Variants in CHD5 observed in about 807,000 individuals in gnomAD.
CHD5 encodes chromodomain helicase DNA binding protein 5, also known as ATP-dependent chromatin remodeler CHD5.
A neutral mutation model predicts 230.3 loss-of-function variants in CHD5; 69 were observed. That is an observed-to-expected ratio of 0.30 (90% confidence interval 0.25 to 0.37). The LOEUF (loss-of-function observed/expected upper bound fraction) is 0.37. CHD5 is among the 10% of genes least tolerant of loss of function. The pLI, the probability that CHD5 is intolerant of heterozygous loss-of-function variation, is 1.00. For synonymous variants in CHD5, 1,064 were observed against 1,065.9 expected (o/e 1.00, Z 0.03); for missense variants, 1,827 against 2,622.8 (o/e 0.70, Z 6.63).
intron 38 of CHD5, among the ~76,000 whole-genome samples, 162 bp from the exon 39 acceptor site, chr1:6,106,941 GGGAT>G (rs1666182799): frequency 4.6e-5 from 5 of 108,770 alleles, no homozygotes; most frequent in Admixed American, 8.5e-5. Flanking sequence ...GAGGGGTGGA[GGGAT>G]GGAGGAGAGG....
Position 6,134,806 on chromosome 1 carries a change from C to G in CHD5, c.2924G>C (p.Gly975Ala), listed in dbSNP as rs770520672. 6.2e-7 allele frequency: 1 copy of G among 1,614,134 alleles called. No homozygotes were observed. Reference sequence around the variant, plus strand: ...GAGCAGCGATACTTGGTTCCCGCCCCCCTTGGAGTTCAGTGCCTCAAAGTT... The same window carrying G: ...GAGCAGCGATACTTGGTTCCCGCCCGCCTTGGAGTTCAGTGCCTCAAAGTT... Reference protein sequence around the residue: ...TRNFEALNSKGGGNQVSLLNI... With the variant: ...TRNFEALNSKAGGNQVSLLNI... The change falls in exon 19 of 42, where the codon GGG (glycine) becomes GCG (alanine). Residue 975 changes from glycine to alanine, a missense_variant. By Grantham distance (60) the Gly-to-Ala change is moderately conservative. Coordinates refer to ENST00000262450, the MANE Select transcript of CHD5 (RefSeq NM_015557.3). The surrounding 1 kb of genome is among the most constrained non-coding windows in gnomAD (Gnocchi z 6.3).
At chr1:6,116,290 A>G (rs1666377241) in intron 33 of CHD5, among the ~76,000 whole-genome samples, 1 of 152,202 alleles carries the variant, frequency 6.6e-6, no homozygotes. Flanking sequence ...GGATGAATGA[A>G]CCAATCAATG....
At chr1:6,178,696 G>T (rs1667462684) in intron 1 of CHD5, among the ~76,000 whole-genome samples, 1 of 152,154 alleles carries the variant, frequency 6.6e-6, no homozygotes, top group Non-Finnish European at 1.5e-5. Context: ...GGCGAGGTGA[G>T]TGCCGGGCTC....
chr1:6,152,484 G>A lies in CHD5; in HGVS notation c.798C>T (p.Gly266=), dbSNP rs1667021971. The part of the protein sequence containing the change: ...IKGSKDGKKK[G]KGKKTAGLKF... Reference sequence around the variant, plus strand: ...TGAGCCCGGCCGTCTTTTTCCCTTTGCCCTTTTTCTTCCCATCTTTGGAGC... The same window carrying A: ...TGAGCCCGGCCGTCTTTTTCCCTTTACCCTTTTTCTTCCCATCTTTGGAGC... The change falls in exon 6 of 42, where the codon GGC becomes GGT. Residue 266 remains glycine, a synonymous_variant. Coordinates refer to ENST00000262450, the MANE Select transcript of CHD5 (RefSeq NM_015557.3). The A allele has an allele frequency of 4.3e-6, 7 of 1,614,032 alleles. No homozygotes were observed. In the East Asian group the frequency reaches 1.3e-4, roughly 31 times the overall value.
At chr1:6,158,823 C>T (rs913406485) in intron 3 of CHD5, among the ~76,000 whole-genome samples, 13 of 151,018 alleles carry the variant, frequency 8.6e-5, no homozygotes, top group African/African-American at 2.2e-4. Context: ...CCGGCTAAAA[C>T]GGTGAAACCC....
chr1:6,111,994 C>T, intron 35 of CHD5, 111 bp from the exon 36 acceptor site: 1 of 1,362,206 alleles, frequency 7.3e-7, no homozygotes, highest in Admixed American at 1.9e-5. Flanking sequence ...CCCCAGAGGT[C>T]CAGTGTTCCA....
At position 6,128,866 on chromosome 1, in the gene CHD5, C is replaced by T. The variant is rs377192793; in HGVS notation, c.3591G>A (p.Thr1197=). The change falls in exon 23 of 42, where the codon ACG becomes ACA. Residue 1197 remains threonine, a synonymous_variant. Coordinates refer to ENST00000262450, the MANE Select transcript of CHD5 (RefSeq NM_015557.3). The surrounding 1 kb of genome is among the most constrained non-coding windows in gnomAD (Gnocchi z 7.8). ...CCACGTCGTCCTTGAAGAGTTCCTC[C>T]GTGCCGAACTTGAGGATGTCGTCCA... ...QELDDILKFG[T]EELFKDDVEG... is the part of the protein sequence containing the mutation. The T allele has an allele frequency of 7.0e-5, 113 of 1,612,698 alleles. No individual in the cohort carries two copies. In the African/African-American group the frequency reaches 1.0e-3, roughly 14 times the overall value.
At chr1:6,170,891 T>C (rs936051793) in intron 1 of CHD5, among the ~76,000 whole-genome samples, 2 of 152,170 alleles carry the variant, frequency 1.3e-5, no homozygotes, top group African/African-American at 4.8e-5. Flanking sequence ...GCCGATGGGA[T>C]GCCAGTCCAC....
At chr1:6,151,227 G>C in intron 6 of CHD5, 72 bp from the exon 7 acceptor site, 1 of 1,501,016 alleles carries the variant, frequency 6.7e-7, no homozygotes, top group Non-Finnish European at 8.9e-7. Context: ...GGCAGTGTGG[G>C]GTGGGACAAA....
chr1:6,127,917 C>CT (rs1666587583), intron 25 of CHD5, 129 bp downstream of exon 25: 1 of 739,426 alleles, frequency 1.4e-6, no homozygotes, highest in Non-Finnish European at 2.1e-6. Flanking sequence ...GGCTGGAGGG[C>CT]GGGGTCACAG....
At chr1:6,172,659 C>A (rs1667357512) in intron 1 of CHD5, among the ~76,000 whole-genome samples, 1 of 152,208 alleles carries the variant, frequency 6.6e-6, no homozygotes, top group Non-Finnish European at 1.5e-5. Context: ...CACCCTCCCA[C>A]TGAAACAGCC....
Position 6,102,251 on chromosome 1 carries a change from TA to T in CHD5, c.*3222del, listed in dbSNP as rs111306983. The T allele has an allele frequency of 3.3e-4, 50 of 151,240 alleles. No homozygotes were observed. The highest frequency in any genetic ancestry group is 1.8e-3 in the South Asian group (10 of 5,518). 9.4% of individuals were successfully genotyped at this position (151,240 alleles called of 1,614,324 possible). On this transcript the variant is annotated 3_prime_UTR_variant, in exon 42 of 42. Transcript: ENST00000262450. ...ATCGCACCTAAAAAAATACTTTGTT[TA>T]AAAAAAAAATCTGAAAATTAAAGAA...
At chr1:6,179,093 G>A (rs1000882360) in intron 1 of CHD5, among the ~76,000 whole-genome samples, 2 of 152,228 alleles carry the variant, frequency 1.3e-5, no homozygotes, top group African/African-American at 4.8e-5. Flanking sequence ...CTAAAGAACT[G>A]TCCCGCAAGG....
chr1:6,109,141 G>C (rs1420880594), intron 38 of CHD5, among the ~76,000 whole-genome samples: 2 of 152,162 alleles, frequency 1.3e-5, no homozygotes, highest in Admixed American at 6.5e-5. Flanking sequence ...ACGGGCTGCA[G>C]ACGAGCCAGC....
At chr1:6,106,209 G>A in intron 41 of CHD5, 25 bp downstream of exon 41, 1 of 1,600,730 alleles carries the variant, frequency 6.2e-7, no homozygotes. Context: ...TGGCGGGGAG[G>A]AACACAGCAC....
chr1:6,146,794 C>A lies in CHD5; in HGVS notation c.1461G>T (p.Gly487=). The A allele has an allele frequency of 6.3e-7, 1 of 1,593,818 alleles. No individual in the cohort carries two copies. The highest frequency in any genetic ancestry group is 8.6e-7 in the Non-Finnish European group (1 of 1,168,842). Reference sequence around the variant, plus strand: ...TGGGCTCCACGTCAGGCCCCGGCAGCCCCACCATGAAGGGGGCAGGGGGCT... The same window carrying A: ...TGGGCTCCACGTCAGGCCCCGGCAGACCCACCATGAAGGGGGCAGGGGGCT... ...WTEPPAPFMV[G]LPGPDVEPSL... Residue 487 remains glycine (G), a synonymous_variant, in exon 10 of 42, where the codon GGG becomes GGT. Coordinates refer to ENST00000262450, the MANE Select transcript of CHD5 (RefSeq NM_015557.3). The surrounding 1 kb of genome is among the most constrained non-coding windows in gnomAD (Gnocchi z 5.1).
Position 6,128,738 on chromosome 1 carries a change from C to A in CHD5, c.3619+100G>T. Reference sequence around the variant, plus strand: ...ACAGGTGGGGGGTGCAGAAGAGAGGCTGTGTGTTGGAGCGGGCAGGGACCC... The same window carrying A: ...ACAGGTGGGGGGTGCAGAAGAGAGGATGTGTGTTGGAGCGGGCAGGGACCC... On this transcript the variant is annotated intron_variant, in intron 23 of 41. Transcript: ENST00000262450. This position sits in a 1 kb window ranked among gnomAD's most constrained non-coding sequence, Gnocchi z 7.8. 7.8e-7 allele frequency: 1 copy of A among 1,274,104 alleles called. No homozygotes were observed. 78.9% of individuals were successfully genotyped at this position (1,274,104 alleles called of 1,614,324 possible).
Position 6,152,509 on chromosome 1 carries a change from C to A in CHD5, c.773G>T (p.Gly258Val), listed in dbSNP as rs201483063. 4.3e-6 allele frequency: 7 copies of A among 1,614,000 alleles called. No homozygotes were observed. The highest frequency in any genetic ancestry group is 2.7e-5 in the African/African-American group (2 of 74,902). Residue 258 changes from glycine (G) to valine (V), a missense_variant, in exon 6 of 42, where the codon GGC (glycine) becomes GTC (valine). Physicochemically the swap from Gly to Val is moderately radical, Grantham distance 109 (BLOSUM62 -3). This residue lies in a region of CHD5 where 657 missense variants were observed against 816.4 expected (regional missense o/e 0.80). Coordinates refer to ENST00000262450, the MANE Select transcript of CHD5 (RefSeq NM_015557.3). ...KGPGVRKKIKGSKDGKKKGKG... is the reference protein window; with the variant it reads ...KGPGVRKKIKVSKDGKKKGKG... Reference sequence around the variant, plus strand: ...GCCCTTTTTCTTCCCATCTTTGGAGCCTTTGATCTTCTTCCTCACTCCAGG... The same window carrying A: ...GCCCTTTTTCTTCCCATCTTTGGAGACTTTGATCTTCTTCCTCACTCCAGG...
chr1:6,110,293 CG>C, intron 37 of CHD5, 100 bp downstream of exon 37: 3 of 1,374,986 alleles, frequency 2.2e-6, no homozygotes, highest in Non-Finnish European at 2.0e-6. Flanking sequence ...CCCAGGTACA[CG>C]GGGAGGGGTT....
Sources: allele counts gnomAD v4.1 joint callset (sites outside exome capture counted in the v4.1 genomes callset), GRCh38; gene constraint gnomAD v4.1.1; regional missense constraint gnomAD v4.1.1; non-coding constraint Gnocchi (gnomAD v3.1); transcripts MANE v1.5; gene names NCBI Gene and HGNC (gene_info 2026-07-23, HGNC 2026-07-21).